Variants in TANK observed in about 807,000 individuals in gnomAD.
TANK encodes TRAF family member-associated NF-kappa-B activator.
A neutral mutation model predicts 43.6 loss-of-function variants in TANK; 15 were observed. The observed-to-expected ratio is 0.34, with a 90% CI of 0.23 to 0.53. The LOEUF (loss-of-function observed/expected upper bound fraction) is 0.53, where lower values mean the gene tolerates loss of function less well. TANK is among the 20% of genes least tolerant of loss of function. TANK has a pLI of 0.94. For missense variants in TANK, 417 were observed against 498.6 expected (o/e 0.84, Z 1.56); for synonymous variants, 162 against 178.2 (o/e 0.91, Z 0.73).
chr2:161,220,295 A>G (rs991780935), intron 4 of TANK, among the ~76,000 whole-genome samples: 1 of 152,190 alleles, frequency 6.6e-6, no homozygotes, highest in Admixed American at 6.5e-5. Flanking sequence ...GTTTAGTCAG[A>G]ATTATCTTTA....
At chr2:161,216,045 C>T (rs1687103227) in intron 4 of TANK, among the ~76,000 whole-genome samples, 2 of 152,120 alleles carry the variant, frequency 1.3e-5, no homozygotes, top group African/African-American at 4.8e-5. Context: ...CTAAGACGAG[C>T]ATCTTTTATT....
intron 2 of TANK, among the ~76,000 whole-genome samples, chr2:161,183,715 T>G (rs1223652530): frequency 6.6e-6 from 1 of 152,166 alleles, no homozygotes; most frequent in Non-Finnish European, 1.5e-5. Flanking sequence ...ATATATATTC[T>G]TGTATGTTAA....
At chr2:161,137,294 T>G in intron 1 of TANK, 1 of 963,116 alleles carries the variant, frequency 1.0e-6, no homozygotes, top group Non-Finnish European at 1.2e-6. Flanking sequence ...GAGGCCAAGG[T>G]AAGAGGATCA....
At chr2:161,211,235 A>C (rs1312476846) in intron 4 of TANK, among the ~76,000 whole-genome samples, 6 of 152,164 alleles carry the variant, frequency 3.9e-5, no homozygotes, top group Non-Finnish European at 8.8e-5. Context: ...GTAGCTAATA[A>C]AATCCTAATC....
At chr2:161,223,859 C>T (rs1687474036) in intron 4 of TANK, 56 bp from the exon 5 acceptor site, 2 of 1,186,392 alleles carry the variant, frequency 1.7e-6, no homozygotes, top group Non-Finnish European at 2.5e-6. Context: ...TACTCGACCT[C>T]ATTTGAATTT....
intron 2 of TANK, chr2:161,200,959 C>T (rs747366154): frequency 4.3e-5 from 11 of 258,096 alleles, no homozygotes; most frequent in Non-Finnish European, 6.7e-5. Context: ...CTAATATGTG[C>T]CAGGCACTCT....
At chr2:161,194,874 T>C (rs888878671) in intron 2 of TANK, among the ~76,000 whole-genome samples, 57 of 152,248 alleles carry the variant, frequency 3.7e-4, no homozygotes, top group African/African-American at 1.3e-3. Context: ...CAACAACATA[T>C]ATACTCTATC....
chr2:161,179,928 T>G, intron 2 of TANK, 167 bp downstream of exon 2: 1 of 1,278,416 alleles, frequency 7.8e-7, no homozygotes, highest in Non-Finnish European at 9.9e-7. Flanking sequence ...GTTTGTTGTT[T>G]TTTTTAAAAA....
intron 1 of TANK, among the ~76,000 whole-genome samples, chr2:161,164,894 T>C (rs999646535): frequency 2.6e-5 from 4 of 152,182 alleles, no homozygotes; most frequent in African/African-American, 9.6e-5. Flanking sequence ...TGATGGCAAT[T>C]GTTTGTCTCA....
At chr2:161,165,010 T>G (rs1684610211) in intron 1 of TANK, among the ~76,000 whole-genome samples, 1 of 151,064 alleles carries the variant, frequency 6.6e-6, no homozygotes, top group Non-Finnish European at 1.5e-5. Flanking sequence ...GTACTAGTGA[T>G]CTATAATAGC....
At chr2:161,196,870 T>C (rs1294747072) in intron 2 of TANK, among the ~76,000 whole-genome samples, 2 of 152,154 alleles carry the variant, frequency 1.3e-5, no homozygotes, top group Admixed American at 1.3e-4. Context: ...GGAAATAGTC[T>C]CCTGGGAAGG....
chr2:161,155,043 C>G (rs1432697034), intron 1 of TANK, among the ~76,000 whole-genome samples: 3 of 151,896 alleles, frequency 2.0e-5, no homozygotes, highest in Non-Finnish European at 2.9e-5. Context: ...CAATGTGCAG[C>G]CAAAAACAAG....
rs1468389909 is a variant in TANK at position 161,235,666 on chromosome 2, T to A, written c.*148T>A. The A allele has an allele frequency of 3.4e-6, 2 of 583,920 alleles. No homozygotes were observed. The highest frequency in any genetic ancestry group is 3.9e-5 in the African/African-American group (2 of 51,802). 36.2% of individuals were successfully genotyped at this position (583,920 alleles called of 1,614,324 possible). ...TGAATTTTTTTCTGGATTTACTATA[T>A]AACTCTTATTTTTTAAAAGATCATT... On this transcript the variant is annotated 3_prime_UTR_variant, in exon 8 of 8. Coordinates refer to ENST00000392749, the MANE Select transcript of TANK (RefSeq NM_001199135.3).
chr2:161,201,175 C>T, intron 2 of TANK: 1 of 985,344 alleles, frequency 1.0e-6, no homozygotes, highest in African/African-American at 1.7e-5. Context: ...TTATTGTAGA[C>T]TTTGCTCGAC....
At chr2:161,186,164 G>A (rs1395026741) in intron 2 of TANK, among the ~76,000 whole-genome samples, 1 of 152,108 alleles carries the variant, frequency 6.6e-6, no homozygotes, top group Non-Finnish European at 1.5e-5. Context: ...ACTCCACCCT[G>A]GTGACAGAGC....
intron 2 of TANK, among the ~76,000 whole-genome samples, chr2:161,194,304 G>A (rs1468508339): frequency 1.3e-5 from 2 of 151,780 alleles, no homozygotes; most frequent in African/African-American, 4.8e-5. Context: ...AATTTGAAAT[G>A]GAATTTTTCT....
rs758665943 is a variant in TANK, at chr2:161,203,445, T to A, written c.100-42T>A. 4.6e-6 allele frequency: 6 copies of A among 1,296,170 alleles called. No individual in the cohort carries two copies. In the African/African-American group the frequency reaches 8.8e-5, roughly 19 times the overall value. The allele number at this position is 1,296,170 out of a possible 1,614,324, so 80.3% of individuals were successfully genotyped here. A position where few individuals can be genotyped will look rare whatever the true frequency, so the allele number is the denominator to read the frequency against. On this transcript the variant is annotated intron_variant, in intron 2 of 7. Transcript: ENST00000392749. ...AATGGATGGTAAATATATGTTCATG[T>A]CTATCAGTGAATATCAGGCTAACTG...
rs1192925889 is a variant in TANK, at chr2:161,161,451, T to C, written c.-50+965T>C. On this transcript the variant is annotated intron_variant, in intron 1 of 7. Transcript: ENST00000392749. ...AAGCAGTGCATTCTGTTAAAAATTA[T>C]TGTGTCCTCATTTGAGAGAGGAGGG... The C allele has an allele frequency of 1.9e-6, 3 of 1,549,596 alleles. No individual in the cohort carries two copies. The Admixed American group carries it at 5.9e-5, about 30-fold the overall frequency.
chr2:161,217,743 T>G (rs946378528), intron 4 of TANK, among the ~76,000 whole-genome samples: 1 of 151,928 alleles, frequency 6.6e-6, no homozygotes, highest in African/African-American at 2.4e-5. Context: ...TCTGGCTGAG[T>G]ATGGTCAGGA....
Sources: allele counts gnomAD v4.1 joint callset (sites outside exome capture counted in the v4.1 genomes callset), GRCh38; gene constraint gnomAD v4.1.1; transcripts MANE v1.5; gene names NCBI Gene and HGNC (gene_info 2026-07-23, HGNC 2026-07-21).